Variants in ADGRA3 observed in about 807,000 individuals in gnomAD.
ADGRA3 encodes adhesion G protein-coupled receptor A3.
In ADGRA3, 56 loss-of-function variants were observed where a neutral mutation model predicts 119.8. The ratio of observed to expected loss-of-function variants is 0.47; its 90% confidence interval spans 0.38 to 0.58. The LOEUF is 0.58. ADGRA3 is among the 20% of genes least tolerant of loss of function. The pLI is 0.00. For missense variants in ADGRA3, 1,516 were observed against 1,649.0 expected (o/e 0.92, Z 1.40); for synonymous variants, 607 against 623.8 (o/e 0.97, Z 0.40).
intron 14 of ADGRA3, among the ~76,000 whole-genome samples, chr4:22,404,600 TG>T (rs966357132): frequency 1.3e-5 from 2 of 152,078 alleles, no homozygotes; most frequent in Non-Finnish European, 2.9e-5. Context: ...TACCAAGTAA[TG>T]GATATACAGG....
At position 22,436,587 on chromosome 4, in the gene ADGRA3, G is replaced by T; in HGVS notation, c.1140C>A (p.Thr380=). Residue 380 remains threonine, a synonymous_variant, in exon 9 of 19, where the codon ACC becomes ACA. Coordinates refer to ENST00000334304, the MANE Select transcript of ADGRA3 (RefSeq NM_145290.4). ...TTCCGGGATATATCCCACTGCCATG[G>T]GTGTTCCGCGTACACTGCAGATATG... ...ITAYLQCTRN[T]HGSGIYPGNP... 6.2e-7 allele frequency: 1 copy of T among 1,614,048 alleles called. No homozygotes were observed. The highest frequency in any genetic ancestry group is 8.5e-7 in the Non-Finnish European group (1 of 1,179,976).
At chr4:22,413,094 AAAAAC>A in intron 14 of ADGRA3, 83 bp downstream of exon 14, 1 of 1,062,458 alleles carries the variant, frequency 9.4e-7, no homozygotes, top group South Asian at 1.5e-5. Flanking sequence ...AAAAAAAACA[AAAAAC>A]AAAAAAACAC....
chr4:22,388,863 C>G lies in ADGRA3; in HGVS notation c.2808G>C (p.Leu936=). ...FITFVNCMYF[L]SIFIQLKRHP... Reference sequence around the variant, plus strand: ...GTCTTTTCAACTGAATAAATATGCTCAGAAAGTACATGCAGTTTACAAAAG... The same window carrying G: ...GTCTTTTCAACTGAATAAATATGCTGAGAAAGTACATGCAGTTTACAAAAG... Residue 936 remains leucine (L), a synonymous_variant, in exon 19 of 19, where the codon CTG becomes CTC. Transcript: ENST00000334304. 6.2e-7 allele frequency: 1 copy of G among 1,614,050 alleles called. No homozygotes were observed. The highest frequency in any genetic ancestry group is 8.5e-7 in the Non-Finnish European group (1 of 1,179,972).
chr4:22,445,269 T>C, intron 5 of ADGRA3, 136 bp from the exon 6 acceptor site: 1 of 717,856 alleles, frequency 1.4e-6, no homozygotes. Context: ...TTTCATCAAC[T>C]AGCTACAGTT....
At chr4:22,511,809 G>A (rs1367063054) in intron 1 of ADGRA3, among the ~76,000 whole-genome samples, 2 of 151,862 alleles carry the variant, frequency 1.3e-5, no homozygotes, top group African/African-American at 4.8e-5. Context: ...CAAACCCGTG[G>A]GCACCTGGGG....
At chr4:22,391,042 T>G (rs1469030397) in intron 17 of ADGRA3, among the ~76,000 whole-genome samples, 1 of 152,110 alleles carries the variant, frequency 6.6e-6, no homozygotes, top group Non-Finnish European at 1.5e-5. Flanking sequence ...TCGGGTGTTC[T>G]CTTTCTGCAG....
intron 7 of ADGRA3, among the ~76,000 whole-genome samples, chr4:22,442,091 TA>T (rs1172798422): frequency 6.6e-6 from 1 of 152,142 alleles, no homozygotes; most frequent in Non-Finnish European, 1.5e-5. Context: ...TGTCTAAAGG[TA>T]AAAATTTTAC....
chr4:22,478,701 GTT>G (rs1439724785), intron 1 of ADGRA3, among the ~76,000 whole-genome samples: 1 of 152,180 alleles, frequency 6.6e-6, no homozygotes, highest in Non-Finnish European at 1.5e-5. Flanking sequence ...AGCATCCTGA[GTT>G]AGGGTAGGCC....
At chr4:22,448,928 C>T (rs1716924802) in intron 4 of ADGRA3, among the ~76,000 whole-genome samples, 1 of 151,930 alleles carries the variant, frequency 6.6e-6, no homozygotes, top group African/African-American at 2.4e-5. Context: ...GAAAGGTGTG[C>T]CCATGGCAGT....
rs893713752 is a variant in ADGRA3, at chr4:22,400,726, G to GA, written c.2481+704dup. Among the ~76,000 whole-genome samples the GA allele has an allele frequency of 4.4e-3, 622 of 140,782 alleles. 6 individuals carry two copies. Among genetic ancestry groups the GA allele is most frequent in the Middle Eastern group, 0.011 (3 of 278 alleles). 92.4% of individuals were successfully genotyped at this position (140,782 alleles called of 152,430 possible). On this transcript the variant is annotated intron_variant, in intron 16 of 18. Transcript: ENST00000334304. The stretch of plus-strand genomic sequence containing the variant: ...ATTACAGTTTTAAAAGCAAACAAAA[G>GA]AAAAAAAAAAGGTTAAACAGATTGC...
intron 7 of ADGRA3, among the ~76,000 whole-genome samples, chr4:22,440,160 C>A (rs998640190): frequency 3.3e-5 from 5 of 152,072 alleles, no homozygotes; most frequent in African/African-American, 1.2e-4. Flanking sequence ...GTCCAGCATC[C>A]CAAACACTAT....
intron 7 of ADGRA3, among the ~76,000 whole-genome samples, chr4:22,439,000 C>A (rs1276825345): frequency 6.6e-6 from 1 of 151,926 alleles, no homozygotes; most frequent in African/African-American, 2.4e-5. Flanking sequence ...GTCTCTGTTT[C>A]ATACACACAA....
At chr4:22,401,132 C>G (rs1263158543) in intron 16 of ADGRA3, among the ~76,000 whole-genome samples, 1 of 151,992 alleles carries the variant, frequency 6.6e-6, no homozygotes, top group Non-Finnish European at 1.5e-5. Context: ...TCTCTTTCAG[C>G]CAAAGTCAGA....
intron 16 of ADGRA3, among the ~76,000 whole-genome samples, chr4:22,397,700 A>G (rs940309579): frequency 1.4e-4 from 21 of 152,062 alleles, no homozygotes; most frequent in African/African-American, 3.6e-4. Context: ...GCGAAAGTGA[A>G]TAACTTTCAT....
Position 22,409,226 on chromosome 4 carries a change from T to G in ADGRA3, c.2232+3956A>C, listed in dbSNP as rs114339420. ...TGCTCAATACCTCAATTTAAACCAGTTGGTCCCTTTGATTATCAATTCCAC... is the reference window on the plus strand; with the variant it reads ...TGCTCAATACCTCAATTTAAACCAGGTGGTCCCTTTGATTATCAATTCCAC... On this transcript the variant is annotated intron_variant, in intron 14 of 18. Coordinates refer to ENST00000334304, the MANE Select transcript of ADGRA3 (RefSeq NM_145290.4). 8.1e-3 allele frequency among the ~76,000 whole-genome samples: 1,240 copies of G among 152,278 alleles called. 20 individuals carry two copies. The highest frequency in any genetic ancestry group is 0.028 in the African/African-American group (1,184 of 41,562).
intron 3 of ADGRA3, among the ~76,000 whole-genome samples, chr4:22,457,391 T>C (rs980180288): frequency 6.6e-6 from 1 of 152,192 alleles, no homozygotes; most frequent in African/African-American, 2.4e-5. Flanking sequence ...ACGGTCTGTA[T>C]CTATGAGCAA....
At chr4:22,502,754 T>C (rs1428684253) in intron 1 of ADGRA3, among the ~76,000 whole-genome samples, 1 of 152,124 alleles carries the variant, frequency 6.6e-6, no homozygotes, top group African/African-American at 2.4e-5. Context: ...AAAGACACTT[T>C]TTACTATCAG....
At chr4:22,500,355 T>A (rs1451222845) in intron 1 of ADGRA3, among the ~76,000 whole-genome samples, 1 of 152,190 alleles carries the variant, frequency 6.6e-6, no homozygotes, top group East Asian at 1.9e-4. Flanking sequence ...TCCTGTAAAA[T>A]GTAGACAATA....
chr4:22,456,396 C>T (rs770511181), intron 3 of ADGRA3, among the ~76,000 whole-genome samples: 3 of 152,088 alleles, frequency 2.0e-5, no homozygotes, highest in Non-Finnish European at 2.9e-5. Context: ...TCAGCTGGGG[C>T]CCTGCTGGGA....
Sources: gnomAD v4.1 joint callset for allele counts (sites outside exome capture counted in the v4.1 genomes callset) on GRCh38, gnomAD v4.1.1 for gene constraint, MANE v1.5 for transcripts, NCBI Gene and HGNC (gene_info 2026-07-23, HGNC 2026-07-21) for gene names.